PLEKHG3: variants seen among roughly 807,000 people sequenced by gnomAD.
PLEKHG3 encodes pleckstrin homology domain-containing family G member 3.
Under a neutral mutation model 94.9 loss-of-function variants are expected in PLEKHG3, and 62 were observed. The observed-to-expected ratio is 0.65, with a 90% confidence interval of 0.53 to 0.81. PLEKHG3 has a LOEUF of 0.81. Ranked by LOEUF, PLEKHG3 falls within the 30% of genes least tolerant of loss-of-function variation. PLEKHG3 has a pLI of 0.00. For missense variants in PLEKHG3, 1,461 were observed against 1,619.3 expected (o/e 0.90, Z 1.68); for synonymous variants, 614 against 654.0 (o/e 0.94, Z 0.93).
rs1251862589 is a variant in PLEKHG3 at position 64,749,587 on chromosome 14, C to T, written c.*5884C>T. The T allele has an allele frequency of 2.5e-6, 4 of 1,609,308 alleles. No homozygotes were observed. In the East Asian group the frequency reaches 8.9e-5, roughly 36 times the overall value. ...GCCCCTTCTGAGGGGGCCTCCAGGG[C>T]AAGCGGCCTGGGGTCCTCCACCTAC... On this transcript the variant is annotated 3_prime_UTR_variant, in exon 17 of 17. Transcript: ENST00000247226. This position sits in a 1 kb window ranked among gnomAD's most constrained non-coding sequence, Gnocchi z 4.7.
chr14:64,720,730 T>A lies in PLEKHG3; in HGVS notation c.-39-6863T>A, dbSNP rs573646735. Among the ~76,000 whole-genome samples the A allele has an allele frequency of 6.6e-6, 1 of 152,348 alleles. No individual in the cohort carries two copies. Among genetic ancestry groups the A allele is most frequent in the Non-Finnish European group, 1.5e-5 (1 of 68,036 alleles). ...TTAGTGGCTTAAATCAACACACATTTGTTGTCTTAAAGTTCTGGAGGTAAG... is the reference window on the plus strand; with the variant it reads ...TTAGTGGCTTAAATCAACACACATTAGTTGTCTTAAAGTTCTGGAGGTAAG... On this transcript the variant is annotated intron_variant, in intron 1 of 16. Coordinates refer to ENST00000247226, the MANE Select transcript of PLEKHG3 (RefSeq NM_001308147.2). The surrounding 1 kb of genome is among the most constrained non-coding windows in gnomAD (Gnocchi z 4.1).
At position 64,736,892 on chromosome 14, in the gene PLEKHG3, G is replaced by T; in HGVS notation, c.1384+1G>T. Reference sequence around the variant, plus strand: ...CTGCTCAGGCAACTCAACGAGAAAGGTGAGTGTGTGAGGTGGCCAGCCATT... The same window carrying T: ...CTGCTCAGGCAACTCAACGAGAAAGTTGAGTGTGTGAGGTGGCCAGCCATT... On this transcript the variant is annotated splice_donor_variant, in intron 13 of 16. Transcript: ENST00000247226. LOFTEE classifies it high-confidence loss of function. The T allele has an allele frequency of 6.2e-7, 1 of 1,611,492 alleles. No individual in the cohort carries two copies. The highest frequency in any genetic ancestry group is 8.5e-7 in the Non-Finnish European group (1 of 1,177,704).
Position 64,722,178 on chromosome 14 carries a change from G to A in PLEKHG3, c.-39-5415G>A, listed in dbSNP as rs1409555710. 6.6e-6 allele frequency among the ~76,000 whole-genome samples: 1 copy of A among 152,078 alleles called. No individual in the cohort carries two copies. The highest frequency in any genetic ancestry group is 6.5e-5 in the Admixed American group (1 of 15,272). On this transcript the variant is annotated intron_variant, in intron 1 of 16. Transcript: ENST00000247226. The surrounding 1 kb of genome is among the most constrained non-coding windows in gnomAD (Gnocchi z 4.3). ...GATGAAGGCCACACAGGAGGGCTGC[G>A]CCATCGCCGTTCCTGAGTGAGGACT...
rs1339650794 is a variant in PLEKHG3 at position 64,738,636 on chromosome 14, G to C, written c.1405-106G>C. On this transcript the variant is annotated intron_variant, in intron 14 of 16. Transcript: ENST00000247226. The surrounding 1 kb of genome is among the most constrained non-coding windows in gnomAD (Gnocchi z 4.8). ...GGCTCAGGTCCAAGACTGGCTCTCA[G>C]CTCAGCCCAGCCCCTTGGGGCGTGG... 1.3e-5 allele frequency: 11 copies of C among 821,390 alleles called. No homozygotes were observed. The African/African-American group carries it at 1.7e-4, about 13-fold the overall frequency. 50.9% of individuals were successfully genotyped at this position (821,390 alleles called of 1,614,324 possible). A position where few individuals can be genotyped will look rare whatever the true frequency, so the allele number is the denominator to read the frequency against.
chr14:64,733,838 G>A (rs1396443829), intron 12 of PLEKHG3, among the ~76,000 whole-genome samples: 1 of 152,218 alleles, frequency 6.6e-6, no homozygotes, highest in Non-Finnish European at 1.5e-5. Context: ...GGTGATGGGT[G>A]TGTGTGTTTT....
In PLEKHG3 at chr14:64,727,805, G is replaced by A; in HGVS notation, c.174G>A (p.Leu58=). The A allele has an allele frequency of 6.2e-7, 1 of 1,612,056 alleles. No homozygotes were observed. Among genetic ancestry groups the A allele is most frequent in the Non-Finnish European group, 8.5e-7 (1 of 1,178,626 alleles). ...CAGGCTCCCTGAGAAGCCGGCATCTGCCCAACAGCAACAACAACTCCAGCA... is the reference window on the plus strand; with the variant it reads ...CAGGCTCCCTGAGAAGCCGGCATCTACCCAACAGCAACAACAACTCCAGCA... ...NGAGSLRSRH[L]PNSNNNSSSW... The change falls in exon 2 of 17, where the codon CTG becomes CTA. Residue 58 remains leucine (L), a synonymous_variant. Transcript: ENST00000247226. This position sits in a 1 kb window ranked among gnomAD's most constrained non-coding sequence, Gnocchi z 6.0.
chr14:64,704,923 G>C lies in PLEKHG3; in HGVS notation c.-40+219G>C, dbSNP rs573244732. Among the ~76,000 whole-genome samples, 1 of 152,320 alleles carries C rather than the reference G, an allele frequency of 6.6e-6. No homozygotes were observed. Among genetic ancestry groups the C allele is most frequent in the Admixed American group, 6.5e-5 (1 of 15,312 alleles). ...CGCGAGCGCAGGAGGGTCGTATGGG[G>C]AGACTTTTTCTGTCTTTTTTTCCCT... On this transcript the variant is annotated intron_variant, in intron 1 of 16. Transcript: ENST00000247226. This position sits in a 1 kb window ranked among gnomAD's most constrained non-coding sequence, Gnocchi z 5.6.
chr14:64,732,623 C>T lies in PLEKHG3; in HGVS notation c.1246+163C>T, dbSNP rs1002270545. On this transcript the variant is annotated intron_variant, in intron 11 of 16. Coordinates refer to ENST00000247226, the MANE Select transcript of PLEKHG3 (RefSeq NM_001308147.2). The surrounding 1 kb of genome is among the most constrained non-coding windows in gnomAD (Gnocchi z 4.9). The stretch of plus-strand genomic sequence containing the variant: ...TGAACTACATGATTAAGGATGCTCT[C>T]CTGCTGAGCGGTGGGACTCTCAGTG... Among the ~76,000 whole-genome samples, 1 of 151,520 alleles carries T rather than the reference C, an allele frequency of 6.6e-6. No individual in the cohort carries two copies. The highest frequency in any genetic ancestry group is 2.4e-5 in the African/African-American group (1 of 40,848).
rs779554188 is a variant in PLEKHG3 at position 64,727,638 on chromosome 14, G to C, written c.7G>C (p.Val3Leu). 1.9e-6 allele frequency: 3 copies of C among 1,608,116 alleles called. No individual in the cohort carries two copies. The highest frequency in any genetic ancestry group is 1.3e-5 in the African/African-American group (1 of 74,832). The change falls in exon 2 of 17, where the codon GTG becomes CTG. Residue 3 changes from valine to leucine, a missense_variant. Val to Leu is a conservative substitution (Grantham distance 32). Transcript: ENST00000247226. This position sits in a 1 kb window ranked among gnomAD's most constrained non-coding sequence, Gnocchi z 6.0. ...CCCAGGCAGCAATGCCAGGATGCCT[G>C]TGTCCACCTCCCTCCACCAGGATGG... MP[V>L]STSLHQDGSQ...
chr14:64,738,025 C>G lies in PLEKHG3; in HGVS notation c.1404+650C>G. The G allele has an allele frequency of 7.8e-7, 1 of 1,285,906 alleles. No homozygotes were observed. The highest frequency in any genetic ancestry group is 5.4e-5 in the East Asian group (1 of 18,364). 79.7% of individuals were successfully genotyped at this position (1,285,906 alleles called of 1,614,324 possible). A position where few individuals can be genotyped will look rare whatever the true frequency, so the allele number is the denominator to read the frequency against. On this transcript the variant is annotated intron_variant, in intron 14 of 16. Coordinates refer to ENST00000247226, the MANE Select transcript of PLEKHG3 (RefSeq NM_001308147.2). The surrounding 1 kb of genome is among the most constrained non-coding windows in gnomAD (Gnocchi z 4.8). The stretch of plus-strand genomic sequence containing the variant: ...GAGGAAGAGCAGGCCTTTCAGGTCT[C>G]TCTGGAGGACCTGACAGGGCATGAA...
chr14:64,713,488 T>A (rs781514459), intron 1 of PLEKHG3, among the ~76,000 whole-genome samples: 4 of 152,236 alleles, frequency 2.6e-5, no homozygotes, highest in Non-Finnish European at 4.4e-5. Flanking sequence ...ACTTTTTCTT[T>A]CTAAATCTGT....
chr14:64,730,539 A>AGGGGACAGAGGGTGCTCTG lies in PLEKHG3; in HGVS notation c.520-98_520-80dup. The AGGGGACAGAGGGTGCTCTG allele has an allele frequency of 1.1e-6, 1 of 945,322 alleles. No individual in the cohort carries two copies. Among genetic ancestry groups the AGGGGACAGAGGGTGCTCTG allele is most frequent in the African/African-American group, 1.6e-5 (1 of 61,466 alleles). The allele number at this position is 945,322 out of a possible 1,614,324, so 58.6% of individuals were successfully genotyped here. ...GATGGCTCTGTAGGCATTTGGGAAC[A>AGGGGACAGAGGGTGCTCTG]GGGGACAGAGGGTGCTCTGGGGGCC... On this transcript the variant is annotated intron_variant, in intron 4 of 16. Transcript: ENST00000247226. This position sits in a 1 kb window ranked among gnomAD's most constrained non-coding sequence, Gnocchi z 5.4.
Position 64,716,503 on chromosome 14 carries a change from A to ACACACACG in PLEKHG3, c.-39-11083_-39-11082insGCACACAC, listed in dbSNP as rs2081162490. Reference sequence around the variant, plus strand: ...CACAACACACACACACACAACACACACACACACACACACACACACACACAC... The same window carrying ACACACACG: ...CACAACACACACACACACAACACACACACACACGCACACACACACACACACACACACAC... On this transcript the variant is annotated intron_variant, in intron 1 of 16. Transcript: ENST00000247226. The surrounding 1 kb of genome is among the most constrained non-coding windows in gnomAD (Gnocchi z 5.0). Among the ~76,000 whole-genome samples the ACACACACG allele has an allele frequency of 1.7e-5, 2 of 117,082 alleles. No homozygotes were observed. The highest frequency in any genetic ancestry group is 3.6e-5 in the Non-Finnish European group (2 of 54,954). 76.8% of individuals were successfully genotyped at this position (117,082 alleles called of 152,430 possible).
In PLEKHG3 at chr14:64,731,554, C is replaced by A. The variant is rs372637690; in HGVS notation, c.1032+11C>A. 2 of 1,612,408 alleles carry A rather than the reference C, an allele frequency of 1.2e-6. No homozygotes were observed. The highest frequency in any genetic ancestry group is 2.7e-5 in the African/African-American group (2 of 74,828). ...AAGGGCAACATCCCGGTAACCAGGC[C>A]CTGCCCCATCTCCTCTGCCATCTTC... On this transcript the variant is annotated intron_variant, in intron 8 of 16. Transcript: ENST00000247226. The surrounding 1 kb of genome is among the most constrained non-coding windows in gnomAD (Gnocchi z 6.1).
chr14:64,733,269 A>T (rs1216757370), intron 12 of PLEKHG3, among the ~76,000 whole-genome samples: 1 of 147,576 alleles, frequency 6.8e-6, no homozygotes. Flanking sequence ...GGTTCAAGCG[A>T]TTCTCCTGCC....
Position 64,749,438 on chromosome 14 carries a change from G to C in PLEKHG3, c.*5735G>C. On this transcript the variant is annotated 3_prime_UTR_variant, in exon 17 of 17. Coordinates refer to ENST00000247226, the MANE Select transcript of PLEKHG3 (RefSeq NM_001308147.2). The surrounding 1 kb of genome is among the most constrained non-coding windows in gnomAD (Gnocchi z 4.7). The stretch of plus-strand genomic sequence containing the variant: ...GGATGCTCTGGGACTCGTTGATGGC[G>C]GTGCTCACGCCCTGCAGCCAGGACA... The C allele has an allele frequency of 6.2e-7, 1 of 1,603,596 alleles. No homozygotes were observed. The highest frequency in any genetic ancestry group is 8.5e-7 in the Non-Finnish European group (1 of 1,178,966).
intron 15 of PLEKHG3, among the ~76,000 whole-genome samples, chr14:64,740,613 G>C (rs1471538258): frequency 1.3e-5 from 2 of 152,220 alleles, no homozygotes; most frequent in African/African-American, 4.8e-5. Flanking sequence ...CAAGTGAGGA[G>C]CCTCTAGGGC....
rs1451802206 is a variant in PLEKHG3 at position 64,732,158 on chromosome 14, C to G, written c.1189C>G (p.His397Asp). The G allele has an allele frequency of 1.2e-6, 2 of 1,613,726 alleles. No individual in the cohort carries two copies. Among genetic ancestry groups the G allele is most frequent in the Non-Finnish European group, 8.5e-7 (1 of 1,179,674 alleles). ...HHIKRLILEN[H>D]HATIPQKAKE... ...CATCAAGAGGCTCATCCTAGAGAAC[C>G]ACCATGCCACCATTCCCCAGAAGGT... Residue 397 changes from histidine (H) to aspartate (D), a missense_variant, in exon 10 of 17, where the codon CAC (histidine) becomes GAC (aspartate). His to Asp is a moderately conservative substitution (Grantham distance 81). Transcript: ENST00000247226. The surrounding 1 kb of genome is among the most constrained non-coding windows in gnomAD (Gnocchi z 4.9).
chr14:64,730,548 A>AG lies in PLEKHG3; in HGVS notation c.520-91dup. 9.8e-7 allele frequency: 1 copy of AG among 1,021,414 alleles called. No homozygotes were observed. The highest frequency in any genetic ancestry group is 1.3e-5 in the South Asian group (1 of 74,314). 63.3% of individuals were successfully genotyped at this position (1,021,414 alleles called of 1,614,324 possible). On this transcript the variant is annotated intron_variant, in intron 4 of 16. Transcript: ENST00000247226. This position sits in a 1 kb window ranked among gnomAD's most constrained non-coding sequence, Gnocchi z 5.4. ...GTAGGCATTTGGGAACAGGGGACAG[A>AG]GGGTGCTCTGGGGGCCAGGGGCCTA...
Sources: gnomAD v4.1 joint callset for allele counts (sites outside exome capture counted in the v4.1 genomes callset) on GRCh38, gnomAD v4.1.1 for gene constraint, Gnocchi (gnomAD v3.1) non-coding constraint, MANE v1.5 for transcripts, NCBI Gene and HGNC (gene_info 2026-07-23, HGNC 2026-07-21) for gene names.